FOXJ3: variants seen among roughly 807,000 people sequenced by gnomAD.
FOXJ3 encodes the protein forkhead box J3, also known as forkhead box protein J3.
In FOXJ3, 22 loss-of-function variants were observed where a neutral mutation model predicts 76.1. The observed-to-expected ratio is 0.29, with a 90% confidence interval of 0.21 to 0.41. The LOEUF is 0.41. FOXJ3 is among the 10% of genes least tolerant of loss of function. The probability of loss-of-function intolerance (pLI) is 1.00; values close to 1 mark genes in which losing one functional copy is unlikely to be tolerated. For synonymous variants in FOXJ3, 269 were observed against 261.2 expected, an observed-to-expected ratio of 1.03 and a Z score of -0.29; for missense variants, 613 against 762.1, an observed-to-expected ratio of 0.80 and a Z score of 2.30.
chr1:42,223,151 G>A (rs571460871), intron 5 of FOXJ3, among the ~76,000 whole-genome samples: 1 of 152,286 alleles, frequency 6.6e-6, no homozygotes, highest in Non-Finnish European at 1.5e-5. Context: ...CTGATAAAAT[G>A]ACACTACATA....
chr1:42,328,636 T>C (rs1284314801), intron 1 of FOXJ3, among the ~76,000 whole-genome samples: 1 of 151,898 alleles, frequency 6.6e-6, no homozygotes, highest in African/African-American at 2.4e-5. Context: ...TTATTTAATA[T>C]GGTCCTAATT....
At chr1:42,312,757 C>T (rs1267928792) in intron 1 of FOXJ3, among the ~76,000 whole-genome samples, 4 of 152,232 alleles carry the variant, frequency 2.6e-5, no homozygotes, top group African/African-American at 7.2e-5. Flanking sequence ...ATTCCAAGAC[C>T]TTGTGGGACA....
chr1:42,260,535 C>A (rs1650954735), intron 4 of FOXJ3, among the ~76,000 whole-genome samples: 2 of 152,096 alleles, frequency 1.3e-5, no homozygotes, highest in African/African-American at 4.8e-5. Context: ...AACTCCATCT[C>A]CACAAAAAAT....
At chr1:42,328,909 C>G (rs1312507809) in intron 1 of FOXJ3, among the ~76,000 whole-genome samples, 1 of 151,876 alleles carries the variant, frequency 6.6e-6, no homozygotes, top group Admixed American at 6.6e-5. Flanking sequence ...TCAAGTGATC[C>G]GCCTGCCTCG....
chr1:42,221,483 T>C (rs1343714305), intron 5 of FOXJ3, among the ~76,000 whole-genome samples: 21 of 152,046 alleles, frequency 1.4e-4, no homozygotes, highest in Admixed American at 1.4e-3. Flanking sequence ...TGAGAAAGGG[T>C]CTTGCTCTGT....
At chr1:42,289,092 C>CTA (rs900394095) in intron 2 of FOXJ3, among the ~76,000 whole-genome samples, 2 of 151,944 alleles carry the variant, frequency 1.3e-5, no homozygotes, top group African/African-American at 4.8e-5. Flanking sequence ...AACAAAAGCT[C>CTA]TTTAAGCACT....
At chr1:42,234,148 T>C (rs532740651) in intron 4 of FOXJ3, among the ~76,000 whole-genome samples, 1 of 152,324 alleles carries the variant, frequency 6.6e-6, no homozygotes, top group South Asian at 2.1e-4. Flanking sequence ...TTTCATTCAT[T>C]TGATCTTCCA....
chr1:42,309,036 A>G (rs1268636821), intron 2 of FOXJ3, among the ~76,000 whole-genome samples: 3 of 150,110 alleles, frequency 2.0e-5, no homozygotes, highest in Non-Finnish European at 4.4e-5. Flanking sequence ...CTACTGAGAA[A>G]TAGGATAGTC....
chr1:42,272,305 G>T (rs557012441), intron 3 of FOXJ3, among the ~76,000 whole-genome samples: 3 of 152,344 alleles, frequency 2.0e-5, no homozygotes, highest in Non-Finnish European at 4.4e-5. Context: ...GACTGCTGAA[G>T]TGTTCTAAAC....
In FOXJ3 at chr1:42,294,631, G is replaced by A. The variant is rs138233613; in HGVS notation, c.45-15959C>T. ...AAATAAATTATCCAGCTGTGGTGGC[G>A]GGCACCTGTAATCCCAGTTACTTGG... is the stretch of plus-strand genomic sequence containing the variant. On this transcript the variant is annotated intron_variant, in intron 2 of 12. Coordinates refer to ENST00000361346, the MANE Select transcript of FOXJ3 (RefSeq NM_014947.5). Among the ~76,000 whole-genome samples, 446 of 152,006 alleles carry A rather than the reference G, an allele frequency of 2.9e-3. 1 individual carries two copies. The highest frequency in any genetic ancestry group is 0.01 in the African/African-American group (433 of 41,468).
chr1:42,317,103 C>T (rs1655157666), intron 1 of FOXJ3, among the ~76,000 whole-genome samples: 1 of 152,074 alleles, frequency 6.6e-6, no homozygotes, highest in African/African-American at 2.4e-5. Context: ...AGAAGCTATT[C>T]CCTTTTTTTG....
chr1:42,194,556 C>T (rs142694997), intron 8 of FOXJ3, among the ~76,000 whole-genome samples: 165 of 152,310 alleles, frequency 1.1e-3, no homozygotes, highest in Middle Eastern at 0.01. Context: ...GTGCAACATT[C>T]ACCACTCAAA....
chr1:42,248,928 G>T (rs190842928), intron 4 of FOXJ3, among the ~76,000 whole-genome samples: 1 of 151,686 alleles, frequency 6.6e-6, no homozygotes, highest in Non-Finnish European at 1.5e-5. Flanking sequence ...AATAGGCCCC[G>T]GTGTGTGTTG....
At position 42,182,036 on chromosome 1, in the gene FOXJ3, A is replaced by C; in HGVS notation, c.1646-12T>G. On this transcript the variant is annotated splice_polypyrimidine_tract_variant and intron_variant, in intron 11 of 12. Transcript: ENST00000361346. ...TATGTACAAATTTCCTAATCAGATT[A>C]AAAGCAGAAAGAGGGAAAACATGTT... The C allele has an allele frequency of 4.0e-6, 6 of 1,501,542 alleles. No individual in the cohort carries two copies. Among genetic ancestry groups the C allele is most frequent in the Non-Finnish European group, 5.5e-6 (6 of 1,084,104 alleles). 93.0% of individuals were successfully genotyped at this position (1,501,542 alleles called of 1,614,324 possible).
chr1:42,231,698 A>G (rs1376298080), intron 4 of FOXJ3, among the ~76,000 whole-genome samples: 1 of 152,188 alleles, frequency 6.6e-6, no homozygotes, highest in Non-Finnish European at 1.5e-5. Flanking sequence ...TTTTAAATAC[A>G]GTGGCACGAC....
intron 2 of FOXJ3, among the ~76,000 whole-genome samples, chr1:42,290,787 CA>C (rs1239750368): frequency 2.0e-5 from 3 of 152,062 alleles, no homozygotes; most frequent in African/African-American, 7.2e-5. Context: ...CCCATGTGCT[CA>C]AAGAAGCCAC....
Position 42,259,669 on chromosome 1 carries a change from T to G in FOXJ3, c.444+5446A>C, listed in dbSNP as rs116572095. Among the ~76,000 whole-genome samples the G allele has an allele frequency of 7.1e-3, 1,082 of 152,242 alleles. 21 individuals are homozygous for G. Among genetic ancestry groups the G allele is most frequent in the African/African-American group, 0.025 (1,045 of 41,476 alleles). ...AATACCTTAGCTTTCTAACCTTGGT[T>G]TGTCTAATGGAATGCCTCACATTCA... On this transcript the variant is annotated intron_variant, in intron 4 of 12. Coordinates refer to ENST00000361346, the MANE Select transcript of FOXJ3 (RefSeq NM_014947.5).
chr1:42,290,379 T>C (rs999658031), intron 2 of FOXJ3, among the ~76,000 whole-genome samples: 9 of 152,174 alleles, frequency 5.9e-5, no homozygotes, highest in Admixed American at 4.6e-4. Flanking sequence ...TCAGTCATTA[T>C]CCACTTACAT....
chr1:42,330,670 T>C (rs1286781985), intron 1 of FOXJ3, among the ~76,000 whole-genome samples: 1 of 151,844 alleles, frequency 6.6e-6, no homozygotes, highest in Non-Finnish European at 1.5e-5. Context: ...AAAACAGTGA[T>C]TCTTTGAGTC....
Sources: gnomAD v4.1 joint callset for allele counts (sites outside exome capture counted in the v4.1 genomes callset) on GRCh38, gnomAD v4.1.1 for gene constraint, MANE v1.5 for transcripts, NCBI Gene and HGNC (gene_info 2026-07-23, HGNC 2026-07-21) for gene names.